PPP2R1A: variants seen among roughly 807,000 people sequenced by gnomAD.
The protein encoded by PPP2R1A is protein phosphatase 2 scaffold subunit Aalpha.
In PPP2R1A, 15 loss-of-function variants were observed where a neutral mutation model predicts 67.1. The observed-to-expected ratio is 0.22, with a 90% CI of 0.15 to 0.34. PPP2R1A has a LOEUF of 0.34. Among genes scored for constraint, PPP2R1A ranks in the 10% least tolerant of loss-of-function variants. The pLI is 1.00. For synonymous variants in PPP2R1A, 337 were observed against 325.0 expected (o/e 1.04, Z -0.40); for missense variants, 369 against 775.0 (o/e 0.48, Z 6.22).
Position 52,216,409 on chromosome 19 carries a change from C to T in PPP2R1A, c.994-120C>T. 7.5e-7 allele frequency: 1 copy of T among 1,335,080 alleles called. No individual in the cohort carries two copies. Among genetic ancestry groups the T allele is most frequent in the Non-Finnish European group, 1.0e-6 (1 of 967,662 alleles). The allele number at this position is 1,335,080 out of a possible 1,614,324, so 82.7% of individuals were successfully genotyped here. On this transcript the variant is annotated intron_variant, in intron 8 of 14. Transcript: ENST00000322088. This position sits in a 1 kb window ranked among gnomAD's most constrained non-coding sequence, Gnocchi z 4.3. ...TTTCCCCTGTACCCTAAGCCATCCC[C>T]TGCTCTATGAATGAGAGGGGCAGAA...
rs543739520 is a variant in PPP2R1A at position 52,194,727 on chromosome 19, C to T, written c.78+4553C>T. 1.2e-3 allele frequency among the ~76,000 whole-genome samples: 177 copies of T among 152,206 alleles called. 2 individuals carry two copies. The highest frequency in any genetic ancestry group is 2.1e-3 in the Non-Finnish European group (141 of 68,018). ...GTGTGCCCCTGGAGCAGTACTTTCC[C>T]CTCTTTGGACCCAGATTCCTCATCT... On this transcript the variant is annotated intron_variant, in intron 1 of 14. Transcript: ENST00000322088.
chr19:52,201,804 GTGTT>G, intron 1 of PPP2R1A, 136 bp from the exon 2 acceptor site: 1 of 674,002 alleles, frequency 1.5e-6, no homozygotes, highest in Non-Finnish European at 2.6e-6. Flanking sequence ...CTCTTGGTGG[GTGTT>G]TGCCAAATTA....
intron 1 of PPP2R1A, among the ~76,000 whole-genome samples, chr19:52,194,117 A>G (rs1440161135): frequency 1.3e-5 from 2 of 151,030 alleles, no homozygotes; most frequent in African/African-American, 2.4e-5. Context: ...AAAAAAGAAC[A>G]AAATAAGACA....
chr19:52,215,725 C>T (rs1025819464), intron 6 of PPP2R1A, 54 bp from the exon 7 acceptor site: 1 of 1,496,672 alleles, frequency 6.7e-7, no homozygotes, highest in South Asian at 1.1e-5. Flanking sequence ...CTTCCTTAGC[C>T]CAGAGTAAAC....
At chr19:52,220,149 C>T (rs1568597940) in intron 10 of PPP2R1A, 40 bp from the exon 11 acceptor site, 8 of 1,601,040 alleles carry the variant, frequency 5.0e-6, no homozygotes, top group Non-Finnish European at 6.8e-6. Context: ...TGTTTGCTCT[C>T]CTGGAACGCT....
At chr19:52,218,059 C>T (rs758149472) in intron 9 of PPP2R1A, among the ~76,000 whole-genome samples, 3 of 152,116 alleles carry the variant, frequency 2.0e-5, no homozygotes, top group Non-Finnish European at 2.9e-5. Flanking sequence ...TGCATTGATA[C>T]GGAAGGATTC....
At chr19:52,214,675 C>T (rs909524060) in intron 6 of PPP2R1A, among the ~76,000 whole-genome samples, 11 of 151,950 alleles carry the variant, frequency 7.2e-5, no homozygotes, top group Non-Finnish European at 1.2e-4. Context: ...CAGCAGGAGC[C>T]GTGCGTCTTT....
chr19:52,205,274 G>A (rs147757959), intron 2 of PPP2R1A, among the ~76,000 whole-genome samples: 58 of 152,310 alleles, frequency 3.8e-4, no homozygotes, highest in Non-Finnish European at 7.2e-4. Context: ...GAGGCCTTTG[G>A]ATGTGGGCAT....
In PPP2R1A at chr19:52,229,211, G is replaced by A. The variant is rs1600177707; in HGVS notation, c.*3230G>A. 1 of 152,386 alleles carries A rather than the reference G, an allele frequency of 6.6e-6. No homozygotes were observed. Among genetic ancestry groups the A allele is most frequent in the East Asian group, 1.9e-4 (1 of 5,194 alleles). 9.4% of individuals were successfully genotyped at this position (152,386 alleles called of 1,614,324 possible). A position where few individuals can be genotyped will look rare whatever the true frequency, so the allele number is the denominator to read the frequency against. ...TAATCCCAGCGCTTTGGGAGGCCGA[G>A]GTGGGCGGATCACCTGAGGCCGGGA... is the stretch of plus-strand genomic sequence containing the variant. On this transcript the variant is annotated 3_prime_UTR_variant, in exon 15 of 15. Transcript: ENST00000322088.
chr19:52,225,877 C>G, intron 14 of PPP2R1A, 69 bp downstream of exon 14: 1 of 1,612,474 alleles, frequency 6.2e-7, no homozygotes, highest in South Asian at 1.1e-5. Context: ...GGCCTGTGGG[C>G]AGCAGCTTCT....
At chr19:52,192,991 G>GA (rs1231108437) in intron 1 of PPP2R1A, among the ~76,000 whole-genome samples, 2 of 152,356 alleles carry the variant, frequency 1.3e-5, no homozygotes, top group East Asian at 3.9e-4. Flanking sequence ...CCTTTGCAGG[G>GA]AAAAAATTGC....
At chr19:52,217,715 A>G (rs1412418932) in intron 9 of PPP2R1A, among the ~76,000 whole-genome samples, 1 of 152,148 alleles carries the variant, frequency 6.6e-6, no homozygotes, top group Non-Finnish European at 1.5e-5. Flanking sequence ...GTCTAGGACG[A>G]GATTCCTCAC....
chr19:52,215,751 C>T, intron 6 of PPP2R1A, 28 bp from the exon 7 acceptor site: 2 of 1,597,048 alleles, frequency 1.3e-6, no homozygotes, highest in Middle Eastern at 1.7e-4. Flanking sequence ...GCCCCTCTCA[C>T]TCTCCCCCTC....
intron 1 of PPP2R1A, among the ~76,000 whole-genome samples, chr19:52,191,892 T>C (rs1464517851): frequency 6.6e-6 from 1 of 152,178 alleles, no homozygotes; most frequent in Non-Finnish European, 1.5e-5. Flanking sequence ...CGAATCCATA[T>C]TGAATTGGGC....
At chr19:52,201,575 T>TC in intron 1 of PPP2R1A, 1 of 188,002 alleles carries the variant, frequency 5.3e-6, no homozygotes, top group South Asian at 1.1e-4. Context: ...ACGTGGCTGC[T>TC]GCTGTTAAAG....
chr19:52,194,305 C>T (rs954405625), intron 1 of PPP2R1A, among the ~76,000 whole-genome samples: 3 of 151,820 alleles, frequency 2.0e-5, no homozygotes, highest in Non-Finnish European at 2.9e-5. Flanking sequence ...ATGCTTGATG[C>T]GTTCAAAGCA....
chr19:52,207,042 C>A (rs959386448), intron 3 of PPP2R1A, among the ~76,000 whole-genome samples: 4 of 152,158 alleles, frequency 2.6e-5, no homozygotes, highest in African/African-American at 9.6e-5. Context: ...TTGTTTCTTC[C>A]CAAATAGCAT....
intron 3 of PPP2R1A, among the ~76,000 whole-genome samples, chr19:52,207,755 T>G (rs1372429862): frequency 6.6e-6 from 1 of 152,126 alleles, no homozygotes; most frequent in Admixed American, 6.6e-5. Context: ...CAGATTTAAG[T>G]GAATTGTCCG....
chr19:52,222,315 A>G, intron 13 of PPP2R1A, 74 bp downstream of exon 13: 1 of 1,545,166 alleles, frequency 6.5e-7, no homozygotes. Context: ...CTTTGAAGGT[A>G]GAGCCCAGGG....
Sources: allele counts gnomAD v4.1 joint callset (sites outside exome capture counted in the v4.1 genomes callset), GRCh38; gene constraint gnomAD v4.1.1; non-coding constraint Gnocchi (gnomAD v3.1); transcripts MANE v1.5; gene names NCBI Gene and HGNC (gene_info 2026-07-23, HGNC 2026-07-21).